Variants in AGBL1 observed in about 807,000 individuals in gnomAD.
AGBL1 encodes the protein AGBL carboxypeptidase 1.
A neutral mutation model predicts 118.9 loss-of-function variants in AGBL1; 130 were observed. The ratio of observed to expected loss-of-function variants is 1.09; its 90% CI spans 0.95 to 1.26. The LOEUF (loss-of-function observed/expected upper bound fraction) is 1.26. Among genes scored for constraint, AGBL1 ranks in the 50% most tolerant of loss-of-function variants. The pLI is 0.00. For synonymous variants in AGBL1, 555 were observed against 478.9 expected, an observed-to-expected ratio of 1.16 and a Z score of -2.08; for missense variants, 1,584 against 1,298.1, an observed-to-expected ratio of 1.22 and a Z score of -3.38.
intron 1 of AGBL1, chr15:86,116,538 T>A (rs977372123): frequency 5.3e-5 from 8 of 152,232 alleles, no homozygotes; most frequent in African/African-American, 1.9e-4. Context: ...TAATCTGTTG[T>A]GGGCCCGAAT....
rs778685769 is a variant in AGBL1, at chr15:86,279,732, G to A, written c.2169G>A (p.Glu723=). The change falls in exon 16 of 23, where the codon GAG becomes GAA. Residue 723 remains glutamate (E), a synonymous_variant. Transcript: ENST00000614907. ...LTFAVTFPHS[E]DVCYLAYHYP... ...TTGCTGTCACCTTCCCACACAGTGA[G>A]GATGTCTGCTACCTGGCCTACCACT... 2 of 1,613,838 alleles carry A rather than the reference G, an allele frequency of 1.2e-6. No homozygotes were observed. The highest frequency in any genetic ancestry group is 2.2e-5 in the East Asian group (1 of 44,864).
intron 18 of AGBL1, among the ~76,000 whole-genome samples, chr15:86,482,886 T>C (rs2082670335): frequency 6.6e-6 from 1 of 152,000 alleles, no homozygotes; most frequent in Admixed American, 6.6e-5. Flanking sequence ...ATGACAAGGT[T>C]CATAAATTTG....
At chr15:86,489,385 C>A (rs1005502130) in intron 18 of AGBL1, among the ~76,000 whole-genome samples, 3 of 152,078 alleles carry the variant, frequency 2.0e-5, no homozygotes, top group African/African-American at 7.2e-5. Flanking sequence ...AAAATTTTCC[C>A]AAGTATTTCC....
intron 22 of AGBL1, among the ~76,000 whole-genome samples, chr15:86,750,801 C>T (rs2077838644): frequency 6.6e-6 from 1 of 150,592 alleles, no homozygotes. Context: ...GCCTTCCACC[C>T]TCTGATAGGC....
At chr15:86,625,400 T>A (rs1030281288) in intron 21 of AGBL1, among the ~76,000 whole-genome samples, 2 of 130,180 alleles carry the variant, frequency 1.5e-5, no homozygotes, top group Non-Finnish European at 3.2e-5. Flanking sequence ...TTTTTTTTTT[T>A]ACAAACACAG....
chr15:86,261,094 C>G (rs1253709118), intron 9 of AGBL1, among the ~76,000 whole-genome samples: 1 of 152,140 alleles, frequency 6.6e-6, no homozygotes, highest in Non-Finnish European at 1.5e-5. Flanking sequence ...CAAAAACAAC[C>G]AGTGGGCCAT....
chr15:86,513,344 G>C (rs2083075556), intron 18 of AGBL1, among the ~76,000 whole-genome samples: 1 of 151,874 alleles, frequency 6.6e-6, no homozygotes. Context: ...TTATTAAATA[G>C]TGGCTTTGTA....
At chr15:86,862,362 C>T (rs1461901642) in intron 22 of AGBL1, among the ~76,000 whole-genome samples, 1 of 152,076 alleles carries the variant, frequency 6.6e-6, no homozygotes, top group African/African-American at 2.4e-5. Context: ...TGATATTAGC[C>T]CAAGGGTGCA....
chr15:86,583,932 T>C (rs1250225072), intron 21 of AGBL1, among the ~76,000 whole-genome samples: 1 of 151,952 alleles, frequency 6.6e-6, no homozygotes, highest in African/African-American at 2.4e-5. Flanking sequence ...TGCATTTCTC[T>C]GATTATTAGT....
intron 18 of AGBL1, among the ~76,000 whole-genome samples, chr15:86,444,229 A>T (rs775632851): frequency 6.6e-6 from 1 of 152,112 alleles, no homozygotes; most frequent in African/African-American, 2.4e-5. Context: ...TTTTTGATAT[A>T]TCTGTTGGAG....
intron 23 of AGBL1, among the ~76,000 whole-genome samples, chr15:86,970,934 G>A (rs1297346321): frequency 1.3e-5 from 2 of 152,022 alleles, no homozygotes; most frequent in South Asian, 2.1e-4. Flanking sequence ...CTATTTGCAT[G>A]TCACTTCCAC....
chr15:86,982,498 A>T (rs562594803), intron 23 of AGBL1, among the ~76,000 whole-genome samples: 1 of 151,418 alleles, frequency 6.6e-6, no homozygotes, highest in African/African-American at 2.4e-5. Flanking sequence ...TTACTTATAC[A>T]TGGATTCTTT....
At chr15:86,579,887 A>G (rs749141947) in intron 21 of AGBL1, among the ~76,000 whole-genome samples, 2 of 152,204 alleles carry the variant, frequency 1.3e-5, no homozygotes, top group African/African-American at 2.4e-5. Flanking sequence ...GGAAAAGCCT[A>G]TGATGACTCC....
At chr15:86,164,355 A>G (rs917140140) in intron 5 of AGBL1, among the ~76,000 whole-genome samples, 5 of 152,194 alleles carry the variant, frequency 3.3e-5, no homozygotes, top group Non-Finnish European at 4.4e-5. Flanking sequence ...GTTTATCTGC[A>G]CTAAAGCTGT....
intron 21 of AGBL1, chr15:86,630,801 AG>A (rs1409304697): frequency 6.6e-6 from 1 of 152,240 alleles, no homozygotes; most frequent in Admixed American, 6.5e-5. Flanking sequence ...GATTGCTAAA[AG>A]CCCCTTAATT....
intron 21 of AGBL1, among the ~76,000 whole-genome samples, chr15:86,559,160 A>G (rs559588272): frequency 1.3e-5 from 2 of 152,226 alleles, no homozygotes; most frequent in African/African-American, 4.8e-5. Context: ...AGGACACCAG[A>G]CATACTGGAA....
intron 23 of AGBL1, among the ~76,000 whole-genome samples, chr15:86,947,122 A>T (rs1158509251): frequency 6.6e-6 from 1 of 152,148 alleles, no homozygotes; most frequent in Non-Finnish European, 1.5e-5. Context: ...TTAAATGCTA[A>T]ATTTGAGAAG....
At chr15:86,991,950 C>CTGT (rs563188690) in intron 24 of AGBL1, among the ~76,000 whole-genome samples, 228 of 152,264 alleles carry the variant, frequency 1.5e-3, no homozygotes, top group African/African-American at 5.1e-3. Flanking sequence ...ATAGTAGATA[C>CTGT]TGTTGGTCTG....
At chr15:86,646,558 C>T (rs772854618) in intron 21 of AGBL1, among the ~76,000 whole-genome samples, 1 of 152,208 alleles carries the variant, frequency 6.6e-6, no homozygotes, top group Non-Finnish European at 1.5e-5. Context: ...ACTCAAGACT[C>T]TGTGCCCTGA....
Sources: allele counts gnomAD v4.1 joint callset (sites outside exome capture counted in the v4.1 genomes callset), GRCh38; gene constraint gnomAD v4.1.1; transcripts MANE v1.5; gene names NCBI Gene and HGNC (gene_info 2026-07-23, HGNC 2026-07-21).